Variants in MCC observed in about 807,000 individuals in gnomAD.
MCC encodes MCC regulator of Wnt signaling pathway.
Under a neutral mutation model 116.2 loss-of-function variants are expected in MCC, and 90 were observed. The ratio of observed to expected loss-of-function variants is 0.77; its 90% CI spans 0.65 to 0.92. The LOEUF is 0.92. Ranked by LOEUF, MCC falls within the 40% of genes least tolerant of loss-of-function variation. The pLI, the probability that MCC is intolerant of heterozygous loss-of-function variation, is 0.00. For missense variants in MCC, 1,516 were observed against 1,312.2 expected, an observed-to-expected ratio of 1.16 and a Z score of -2.40; for synonymous variants, 578 against 510.5, an observed-to-expected ratio of 1.13 and a Z score of -1.78.
chr5:113,039,414 G>T (rs1160471452), intron 17 of MCC, among the ~76,000 whole-genome samples: 7 of 152,130 alleles, frequency 4.6e-5, no homozygotes, highest in Admixed American at 4.6e-4. Flanking sequence ...TCACAGCTCT[G>T]TGTGTTTAAG....
At chr5:113,300,400 C>T (rs987582593) in intron 3 of MCC, among the ~76,000 whole-genome samples, 3 of 152,148 alleles carry the variant, frequency 2.0e-5, no homozygotes, top group Non-Finnish European at 4.4e-5. Flanking sequence ...CTAAACAAAA[C>T]GCTGATACCT....
intron 14 of MCC, among the ~76,000 whole-genome samples, chr5:113,061,751 T>C (rs1430395014): frequency 1.3e-5 from 2 of 152,168 alleles, no homozygotes; most frequent in Non-Finnish European, 2.9e-5. Flanking sequence ...TGAGGGGCAG[T>C]TGATGGACAC....
rs765292079 is a variant in MCC, at chr5:113,434,612, G to A, written c.171-49400C>T. The A allele has an allele frequency of 7.4e-6, 12 of 1,613,856 alleles. No individual in the cohort carries two copies. Among genetic ancestry groups the A allele is most frequent in the African/African-American group, 6.7e-5 (5 of 74,920 alleles). On this transcript the variant is annotated intron_variant, in intron 1 of 18. Coordinates refer to ENST00000408903, the MANE Select transcript of MCC (RefSeq NM_001085377.2). This position sits in a 1 kb window ranked among gnomAD's most constrained non-coding sequence, Gnocchi z 4.2. Reference sequence around the variant, plus strand: ...TGCCATGTGATGTCTCAAAGATCTCGTAGGTCTTAATGATGGAGCAGTGGT... The same window carrying A: ...TGCCATGTGATGTCTCAAAGATCTCATAGGTCTTAATGATGGAGCAGTGGT...
At chr5:113,090,577 A>C (rs1755550055) in intron 8 of MCC, among the ~76,000 whole-genome samples, 1 of 152,240 alleles carries the variant, frequency 6.6e-6, no homozygotes, top group Admixed American at 6.5e-5. Context: ...CCAAGTGAAA[A>C]GAAGAGCACT....
At chr5:113,174,318 T>A (rs1254236585) in intron 3 of MCC, among the ~76,000 whole-genome samples, 3 of 152,206 alleles carry the variant, frequency 2.0e-5, no homozygotes, top group South Asian at 2.1e-4. Flanking sequence ...GGAGGCTGGA[T>A]GGAGTCATTG....
chr5:113,069,730 C>G lies in MCC; in HGVS notation c.1925+1364G>C, dbSNP rs961781638. Among the ~76,000 whole-genome samples, 5 of 152,160 alleles carry G rather than the reference C, an allele frequency of 3.3e-5. No individual in the cohort carries two copies. The East Asian group carries it at 9.6e-4, about 29-fold the overall frequency. Reference sequence around the variant, plus strand: ...CTGAGTAGCTGGGACTACAGGCGTCCACCACCATGCCTGGCTAACTTTTTT... The same window carrying G: ...CTGAGTAGCTGGGACTACAGGCGTCGACCACCATGCCTGGCTAACTTTTTT... On this transcript the variant is annotated intron_variant, in intron 12 of 18. Transcript: ENST00000408903.
chr5:113,422,709 G>A (rs1770374520), intron 1 of MCC, among the ~76,000 whole-genome samples: 1 of 152,178 alleles, frequency 6.6e-6, no homozygotes, highest in African/African-American at 2.4e-5. Flanking sequence ...GATGCAAAAG[G>A]ATGTAAGAGG....
At chr5:113,456,182 C>T (rs1771541607) in intron 1 of MCC, among the ~76,000 whole-genome samples, 1 of 152,122 alleles carries the variant, frequency 6.6e-6, no homozygotes, top group South Asian at 2.1e-4. Context: ...CTAAGCCTAA[C>T]CTATTTATGG....
chr5:113,432,902 C>G (rs1309147774), intron 1 of MCC: 1 of 152,148 alleles, frequency 6.6e-6, no homozygotes, highest in Non-Finnish European at 1.5e-5. Flanking sequence ...GTGCTCTTTT[C>G]CAAATATTAT....
chr5:113,079,856 C>A (rs1010373744), intron 11 of MCC, among the ~76,000 whole-genome samples: 5 of 152,232 alleles, frequency 3.3e-5, no homozygotes, highest in Non-Finnish European at 5.9e-5. Flanking sequence ...AAACTGCCAT[C>A]AGAGTGAACA....
chr5:113,316,170 C>T (rs993313675), intron 3 of MCC, among the ~76,000 whole-genome samples: 24 of 151,028 alleles, frequency 1.6e-4, no homozygotes, highest in African/African-American at 5.6e-4. Context: ...GCAGGAGAAT[C>T]GCTTGAACCC....
chr5:113,252,755 C>T (rs906954428), intron 3 of MCC, among the ~76,000 whole-genome samples: 1 of 151,886 alleles, frequency 6.6e-6, no homozygotes, highest in Non-Finnish European at 1.5e-5. Context: ...CTGGTCTAGA[C>T]CACTGTAGTT....
chr5:113,168,761 G>T (rs55917784), intron 3 of MCC, among the ~76,000 whole-genome samples: 4 of 151,778 alleles, frequency 2.6e-5, no homozygotes, highest in East Asian at 3.9e-4. Context: ...GGGAAAACAG[G>T]GGCAACAGAT....
At chr5:113,075,642 C>T (rs6894700) in intron 11 of MCC, among the ~76,000 whole-genome samples, 69,276 of 152,038 alleles carry the variant, frequency 0.46, 17,358 homozygotes, top group African/African-American at 0.68. Flanking sequence ...CTCTGTAAAA[C>T]AGACCAATCA....
chr5:113,305,747 T>C (rs778659378), intron 3 of MCC, among the ~76,000 whole-genome samples: 1 of 152,268 alleles, frequency 6.6e-6, no homozygotes, highest in Admixed American at 6.5e-5. Flanking sequence ...CTACAAGTTA[T>C]ATTTTATGTT....
At chr5:113,158,713 CCGAAG>C (rs1369179807) in intron 3 of MCC, among the ~76,000 whole-genome samples, 1 of 152,172 alleles carries the variant, frequency 6.6e-6, no homozygotes, top group Non-Finnish European at 1.5e-5. Flanking sequence ...AGAAAATCAG[CCGAAG>C]TGAAGAAAAC....
chr5:113,435,027 G>A (rs1770808290), intron 1 of MCC: 1 of 657,988 alleles, frequency 1.5e-6, no homozygotes, highest in East Asian at 2.8e-5. Flanking sequence ...ACTTCAGCGA[G>A]TGAAGTCACA....
intron 2 of MCC, among the ~76,000 whole-genome samples, chr5:113,348,654 A>C (rs1342846663): frequency 6.6e-6 from 1 of 152,084 alleles, no homozygotes; most frequent in African/African-American, 2.4e-5. Context: ...AAAGAACTAG[A>C]AAAGTAAGAG....
chr5:113,355,769 A>T (rs1186837070), intron 2 of MCC, among the ~76,000 whole-genome samples: 1 of 152,006 alleles, frequency 6.6e-6, no homozygotes, highest in Non-Finnish European at 1.5e-5. Context: ...CCACGATCTC[A>T]TCTAACTTTA....
Sources: gnomAD v4.1 joint callset for allele counts (sites outside exome capture counted in the v4.1 genomes callset) on GRCh38, gnomAD v4.1.1 for gene constraint, Gnocchi (gnomAD v3.1) non-coding constraint, MANE v1.5 for transcripts, NCBI Gene and HGNC (gene_info 2026-07-23, HGNC 2026-07-21) for gene names.